The following PCDHA1 variants were observed in gnomAD, a reference collection of about 807,000 sequenced individuals.
The protein encoded by PCDHA1 is protocadherin alpha-1.
PCDHA1 carries 42 observed loss-of-function variants against 61.3 expected under a neutral mutation model. That is an observed-to-expected ratio of 0.69 (90% confidence interval 0.54 to 0.89). The LOEUF is 0.89. PCDHA1 is among the 40% of genes least tolerant of loss of function. PCDHA1 has a pLI of 0.00. For synonymous variants in PCDHA1, 610 were observed against 553.8 expected (o/e 1.10, Z -1.43); for missense variants, 1,256 against 1,235.3 (o/e 1.02, Z -0.25).
At chr5:140,876,883 G>A in intron 1 of PCDHA1, 2 of 1,614,132 alleles carry the variant, frequency 1.2e-6, no homozygotes, top group Non-Finnish European at 1.7e-6. Context: ...CAACCCGCCG[G>A]GCTGCCACAT....
At chr5:140,920,133 C>T (rs1463322279) in intron 1 of PCDHA1, among the ~76,000 whole-genome samples, 1 of 152,178 alleles carries the variant, frequency 6.6e-6, no homozygotes, top group African/African-American at 2.4e-5. Flanking sequence ...AGTTTTAATT[C>T]TCCTCTCCAA....
At position 141,010,044 on chromosome 5, in the gene PCDHA1, G is replaced by C; in HGVS notation, c.*107G>C. Reference sequence around the variant, plus strand: ...TTTCCTATCTACATGAGCCCTCTTAGAGACCTCAGAAATCTGCAGAAAGTT... The same window carrying C: ...TTTCCTATCTACATGAGCCCTCTTACAGACCTCAGAAATCTGCAGAAAGTT... On this transcript the variant is annotated 3_prime_UTR_variant, in exon 4 of 4. Coordinates refer to ENST00000504120, the MANE Select transcript of PCDHA1 (RefSeq NM_018900.4). 1.3e-6 allele frequency: 2 copies of C among 1,594,604 alleles called. No individual in the cohort carries two copies. Among genetic ancestry groups the C allele is most frequent in the Non-Finnish European group, 1.7e-6 (2 of 1,171,226 alleles).
chr5:140,980,734 T>C (rs2096903764), intron 2 of PCDHA1, among the ~76,000 whole-genome samples: 3 of 151,998 alleles, frequency 2.0e-5, no homozygotes, highest in African/African-American at 4.8e-5. Context: ...TAAGATATTA[T>C]GAGATTTGAG....
chr5:140,863,196 G>A (rs782500346), intron 1 of PCDHA1: 4 of 874,850 alleles, frequency 4.6e-6, no homozygotes, highest in Non-Finnish European at 7.2e-6. Flanking sequence ...TGGTGGCGTC[G>A]CTGGCGGAGA....
At chr5:140,796,672 G>A in intron 1 of PCDHA1, 1 of 1,613,884 alleles carries the variant, frequency 6.2e-7, no homozygotes, top group Non-Finnish European at 8.5e-7. Context: ...GGCGCCTAGG[G>A]CTGGCACCGC....
At chr5:140,828,080 G>A (rs2150150678) in intron 1 of PCDHA1, 4 of 1,580,098 alleles carry the variant, frequency 2.5e-6, no homozygotes, top group Non-Finnish European at 3.4e-6. Context: ...AATAAAACCA[G>A]AGGTATTTGA....
chr5:140,968,422 G>C, intron 1 of PCDHA1: 2 of 1,613,984 alleles, frequency 1.2e-6, no homozygotes, highest in Non-Finnish European at 1.7e-6. Context: ...TGGAGGCTCA[G>C]GACAAGGGGA....
chr5:140,835,513 G>T (rs1773701294), intron 1 of PCDHA1: 1 of 1,613,936 alleles, frequency 6.2e-7, no homozygotes, highest in Non-Finnish European at 8.5e-7. Flanking sequence ...GTGTTTGACC[G>T]AGATTTTGGA....
chr5:140,850,754 G>A lies in PCDHA1; in HGVS notation c.2394+62070G>A, dbSNP rs2150497154. 7 of 1,598,000 alleles carry A rather than the reference G, an allele frequency of 4.4e-6. 1 individual carries two copies. In the African/African-American group the frequency reaches 6.7e-5, roughly 15 times the overall value. On this transcript the variant is annotated intron_variant, in intron 1 of 3. Transcript: ENST00000504120. ...TGGGGAGTTGGTCGTACTCGCAGCA[G>A]AGGAGGCAGAGGGTGTGCTCTGGCG...
chr5:140,810,172 G>C (rs1470472380), intron 1 of PCDHA1: 1 of 152,198 alleles, frequency 6.6e-6, no homozygotes, highest in Non-Finnish European at 1.5e-5. Flanking sequence ...GTTATATGTA[G>C]TTGTAGTTTA....
chr5:140,835,317 G>A lies in PCDHA1; in HGVS notation c.2394+46633G>A. ...AGTGATAGGACATATGGATTTTGAAGAAAGTAGAGCACACAAGATCCCAGT... is the reference window on the plus strand; with the variant it reads ...AGTGATAGGACATATGGATTTTGAAAAAAGTAGAGCACACAAGATCCCAGT... On this transcript the variant is annotated intron_variant, in intron 1 of 3. Coordinates refer to ENST00000504120, the MANE Select transcript of PCDHA1 (RefSeq NM_018900.4). 6 of 1,613,394 alleles carry A rather than the reference G, an allele frequency of 3.7e-6. No individual in the cohort carries two copies. Among genetic ancestry groups the A allele is most frequent in the Non-Finnish European group, 4.2e-6 (5 of 1,179,716 alleles).
At chr5:140,949,009 G>A (rs1563235030) in intron 1 of PCDHA1, among the ~76,000 whole-genome samples, 1 of 151,574 alleles carries the variant, frequency 6.6e-6, no homozygotes, top group Non-Finnish European at 1.5e-5. Context: ...ATTTTTATAT[G>A]TGATGTTTTT....
At chr5:140,882,164 C>A in intron 1 of PCDHA1, 1 of 1,509,950 alleles carries the variant, frequency 6.6e-7, no homozygotes, top group Non-Finnish European at 8.9e-7. Flanking sequence ...ATACCTCTTG[C>A]GAATCCTTCC....
chr5:140,788,617 T>C lies in PCDHA1; in HGVS notation c.2327T>C (p.Leu776Pro), dbSNP rs1217551085. ...GACCTCATGGCCTTCAGCCCAGGCC[T>C]ATCTCCAAGTCTTAACACGTCAGAA... The part of the protein sequence containing the change: ...KTDLMAFSPG[L>P]SPSLNTSERN... Residue 776 changes from leucine to proline, a missense_variant, in exon 1 of 4, where the codon CTA becomes CCA. By Grantham distance (98) the Leu-to-Pro change is moderately conservative. Coordinates refer to ENST00000504120, the MANE Select transcript of PCDHA1 (RefSeq NM_018900.4). 3 of 1,613,418 alleles carry C rather than the reference T, an allele frequency of 1.9e-6. No individual in the cohort carries two copies. In the Admixed American group the frequency reaches 5.0e-5, roughly 27 times the overall value.
chr5:140,925,952 ACTG>A (rs1295981015), intron 1 of PCDHA1, among the ~76,000 whole-genome samples: 1 of 151,952 alleles, frequency 6.6e-6, no homozygotes, highest in Non-Finnish European at 1.5e-5. Flanking sequence ...AGAAGGAGAA[ACTG>A]CTATCACGCA....
intron 1 of PCDHA1, chr5:140,863,011 C>A (rs782711409): frequency 1.8e-6 from 1 of 552,250 alleles, no homozygotes. Flanking sequence ...CCAGCTATGA[C>A]GCCTGGTTGT....
chr5:140,900,752 T>C lies in PCDHA1; in HGVS notation c.2395-78197T>C, dbSNP rs565842266. On this transcript the variant is annotated intron_variant, in intron 1 of 3. Coordinates refer to ENST00000504120, the MANE Select transcript of PCDHA1 (RefSeq NM_018900.4). ...GCAGTGGGATTTCTGGATCACTTGG[T>C]AGCTCTATTTTTGGCTTTTTGAGGA... Among the ~76,000 whole-genome samples, 3 of 152,272 alleles carry C rather than the reference T, an allele frequency of 2.0e-5. No homozygotes were observed. In the East Asian group the frequency reaches 5.8e-4, roughly 29 times the overall value.
chr5:140,863,376 C>T (rs781824830), intron 1 of PCDHA1: 2 of 1,123,242 alleles, frequency 1.8e-6, no homozygotes, highest in South Asian at 1.2e-5. Context: ...CGCAGCTCAC[C>T]GAGAGCTCGT....
At chr5:140,865,342 T>G (rs1437907469) in intron 1 of PCDHA1, 1 of 152,202 alleles carries the variant, frequency 6.6e-6, no homozygotes, top group Non-Finnish European at 1.5e-5. Flanking sequence ...AAAGAAATAG[T>G]ATATTTACAT....
Sources: allele counts gnomAD v4.1 joint callset (sites outside exome capture counted in the v4.1 genomes callset), GRCh38; gene constraint gnomAD v4.1.1; transcripts MANE v1.5; gene names NCBI Gene and HGNC (gene_info 2026-07-23, HGNC 2026-07-21).